Variants in ADAMTS2 observed in about 807,000 individuals in gnomAD.
ADAMTS2 encodes the protein A disintegrin and metalloproteinase with thrombospondin motifs 2.
In ADAMTS2, 50 loss-of-function variants were observed where a neutral mutation model predicts 123.0. The ratio of observed to expected loss-of-function variants is 0.41; its 90% CI spans 0.32 to 0.51. ADAMTS2 has a LOEUF of 0.51. Among genes scored for constraint, ADAMTS2 ranks in the 20% least tolerant of loss-of-function variants. ADAMTS2 has a pLI of 0.35. For missense variants in ADAMTS2, 1,494 were observed against 1,705.2 expected, an observed-to-expected ratio of 0.88 and a Z score of 2.18; for synonymous variants, 678 against 695.4, an observed-to-expected ratio of 0.98 and a Z score of 0.39.
rs1234755052 is a variant in ADAMTS2 at position 179,124,945 on chromosome 5, G to A, written c.2958+28C>T. Reference sequence around the variant, plus strand: ...CCTGTCCACCCTCAGTTTTGGAGCTGAGGACACGGGATCGGGGGATTGCGT... The same window carrying A: ...CCTGTCCACCCTCAGTTTTGGAGCTAAGGACACGGGATCGGGGGATTGCGT... On this transcript the variant is annotated intron_variant, in intron 19 of 21. Coordinates refer to ENST00000251582, the MANE Select transcript of ADAMTS2 (RefSeq NM_014244.5). 8 of 1,596,834 alleles carry A rather than the reference G, an allele frequency of 5.0e-6. No individual in the cohort carries two copies. In the East Asian group the frequency reaches 9.2e-5, roughly 18 times the overall value.
intron 2 of ADAMTS2, among the ~76,000 whole-genome samples, chr5:179,290,717 C>T (rs902866298): frequency 1.3e-5 from 2 of 152,202 alleles, no homozygotes; most frequent in African/African-American, 2.4e-5. Context: ...GCTCTCTGGC[C>T]GGTCCATTCT....
chr5:179,187,568 G>T (rs545147661), intron 4 of ADAMTS2, among the ~76,000 whole-genome samples: 1 of 152,244 alleles, frequency 6.6e-6, no homozygotes, highest in Non-Finnish European at 1.5e-5. Flanking sequence ...CCTCTCATGG[G>T]GAGGCCCCCA....
In ADAMTS2 at chr5:179,153,628, G is replaced by C. The variant is rs1447276433; in HGVS notation, c.1383-5C>G. On this transcript the variant is annotated splice_polypyrimidine_tract_variant and splice_region_variant and intron_variant, in intron 8 of 21. Coordinates refer to ENST00000251582, the MANE Select transcript of ADAMTS2 (RefSeq NM_014244.5). ...TCCAGCAGGCAGTCATAGGAGCTGT[G>C]GGGGACACACGGTGCCGCGAGCAGC... 1.9e-6 allele frequency: 3 copies of C among 1,601,212 alleles called. No homozygotes were observed. The Admixed American group carries it at 5.0e-5, about 27-fold the overall frequency.
At chr5:179,318,709 G>A (rs1344760486) in intron 2 of ADAMTS2, among the ~76,000 whole-genome samples, 1 of 152,080 alleles carries the variant, frequency 6.6e-6, no homozygotes, top group Non-Finnish European at 1.5e-5. Flanking sequence ...GCAATGCCAA[G>A]GCCCCCTCGG....
Position 179,155,041 on chromosome 5 carries a change from C to G in ADAMTS2, c.1133-122G>C, listed in dbSNP as rs1271884496. 3 of 847,628 alleles carry G rather than the reference C, an allele frequency of 3.5e-6. No individual in the cohort carries two copies. The highest frequency in any genetic ancestry group is 5.9e-6 in the Non-Finnish European group (3 of 509,534). 52.5% of individuals were successfully genotyped at this position (847,628 alleles called of 1,614,324 possible). A position where few individuals can be genotyped will look rare whatever the true frequency, so the allele number is the denominator to read the frequency against. ...CCAATGCCCTCTCTACCACAGGCAACTGCCCCCGGCTGGCACAGCTCAGAA... is the reference window on the plus strand; with the variant it reads ...CCAATGCCCTCTCTACCACAGGCAAGTGCCCCCGGCTGGCACAGCTCAGAA... On this transcript the variant is annotated intron_variant, in intron 6 of 21. Coordinates refer to ENST00000251582, the MANE Select transcript of ADAMTS2 (RefSeq NM_014244.5). The surrounding 1 kb of genome is among the most constrained non-coding windows in gnomAD (Gnocchi z 5.1).
chr5:179,206,361 C>G (rs75929371), intron 4 of ADAMTS2, among the ~76,000 whole-genome samples: 1 of 152,268 alleles, frequency 6.6e-6, no homozygotes, highest in Non-Finnish European at 1.5e-5. Flanking sequence ...GAGGGGCTCA[C>G]CCCTGGTCCG....
At position 179,218,720 on chromosome 5, in the gene ADAMTS2, T is replaced by C. The variant is rs1027873085; in HGVS notation, c.689-11005A>G. Among the ~76,000 whole-genome samples, 4 of 152,196 alleles carry C rather than the reference T, an allele frequency of 2.6e-5. No individual in the cohort carries two copies. In the South Asian group the frequency reaches 8.3e-4, roughly 31 times the overall value. ...CTGTGCCGAATCTCAGGGGCAGTCC[T>C]GACAGTTCTCTAAACTCCCACGGGA... On this transcript the variant is annotated intron_variant, in intron 3 of 21. Transcript: ENST00000251582.
chr5:179,203,312 C>T (rs1764608328), intron 4 of ADAMTS2, among the ~76,000 whole-genome samples: 1 of 152,246 alleles, frequency 6.6e-6, no homozygotes, highest in Non-Finnish European at 1.5e-5. Flanking sequence ...GCCCCCAGAC[C>T]CCGGGCTCTG....
At chr5:179,136,133 A>G in intron 12 of ADAMTS2, 91 bp from the exon 13 acceptor site, 1 of 1,599,302 alleles carries the variant, frequency 6.3e-7, no homozygotes, top group Non-Finnish European at 8.6e-7. Context: ...AAATTTCCAC[A>G]AGGGTCCCCA....
intron 3 of ADAMTS2, among the ~76,000 whole-genome samples, chr5:179,240,394 G>C (rs469396): frequency 0.51 from 76,849 of 152,002 alleles, 20,464 homozygotes; most frequent in Non-Finnish European, 0.56. Context: ...CAGTTTAAGA[G>C]AAGGAGGCTG....
Position 179,302,382 on chromosome 5 carries a change from A to G in ADAMTS2, c.535-29318T>C, listed in dbSNP as rs1464056140. 1.2e-4 allele frequency among the ~76,000 whole-genome samples: 11 copies of G among 93,136 alleles called. No individual in the cohort carries two copies. In the South Asian group the frequency reaches 2.0e-3, roughly 17 times the overall value. 61.1% of individuals were successfully genotyped at this position (93,136 alleles called of 152,430 possible). ...GGGCGACAGAGCAAGACCGTCTCAA[A>G]AAAAAAAAAAAAAAAAAAAAAAAAA... On this transcript the variant is annotated intron_variant, in intron 2 of 21. Transcript: ENST00000251582.
chr5:179,160,072 T>C (rs530093828), intron 5 of ADAMTS2, among the ~76,000 whole-genome samples: 2 of 152,356 alleles, frequency 1.3e-5, no homozygotes, highest in South Asian at 4.1e-4. Flanking sequence ...AATAGAGATG[T>C]GCATTCCTTG....
intron 5 of ADAMTS2, among the ~76,000 whole-genome samples, chr5:179,178,507 T>C (rs539736214): frequency 1.3e-5 from 2 of 152,322 alleles, no homozygotes; most frequent in East Asian, 3.9e-4. Context: ...CCCAACAGCT[T>C]CCTAGTGGGC....
At chr5:179,187,257 C>G (rs1415913461) in intron 4 of ADAMTS2, among the ~76,000 whole-genome samples, 2 of 152,200 alleles carry the variant, frequency 1.3e-5, no homozygotes, top group Non-Finnish European at 2.9e-5. Context: ...CTTCCTACCC[C>G]AAGGCATGAG....
chr5:179,293,932 T>G (rs928597632), intron 2 of ADAMTS2, among the ~76,000 whole-genome samples: 7 of 151,938 alleles, frequency 4.6e-5, no homozygotes, highest in African/African-American at 1.5e-4. Flanking sequence ...AAGGTTTTTT[T>G]GTTTTTTTGT....
Position 179,343,921 on chromosome 5 carries a change from T to C in ADAMTS2, c.380A>G (p.Asn127Ser), listed in dbSNP as rs1757856745. 2 of 1,608,008 alleles carry C rather than the reference T, an allele frequency of 1.2e-6. No individual in the cohort carries two copies. Among genetic ancestry groups the C allele is most frequent in the South Asian group, 2.2e-5 (2 of 90,234 alleles). Residue 127 changes from asparagine to serine, a missense_variant, in exon 2 of 22, where the codon AAC becomes AGC. This residue lies in a region of ADAMTS2 where 237 missense variants were observed against 233.7 expected (regional missense o/e 1.01). Coordinates refer to ENST00000251582, the MANE Select transcript of ADAMTS2 (RefSeq NM_014244.5). ...GRDLHLRLRP[N>S]ARLVAPGATM... ...GGCCCCGGGCGCCACGAGGCGGGCG[T>C]TGGGCCGCAGCCGCAGGTGCAGGTC... is the stretch of plus-strand genomic sequence containing the variant.
chr5:179,127,218 TCAGGAATCAC>T (rs1762875935), intron 17 of ADAMTS2, among the ~76,000 whole-genome samples: 1 of 152,080 alleles, frequency 6.6e-6, no homozygotes, highest in Non-Finnish European at 1.5e-5. Flanking sequence ...CCAGGAGATT[TCAGGAATCAC>T]CAGGGGTGGA....
intron 19 of ADAMTS2, among the ~76,000 whole-genome samples, chr5:179,123,670 C>A (rs1429384494): frequency 6.6e-6 from 1 of 152,230 alleles, no homozygotes; most frequent in Admixed American, 6.5e-5. Flanking sequence ...TTCAGGCGAT[C>A]CACCCGCCTG....
In ADAMTS2 at chr5:179,162,957, G is replaced by C. The variant is rs1763625761; in HGVS notation, c.976-4078C>G. Among the ~76,000 whole-genome samples the C allele has an allele frequency of 1.3e-5, 2 of 152,196 alleles. No homozygotes were observed. The highest frequency in any genetic ancestry group is 6.5e-5 in the Admixed American group (1 of 15,292). ...TGGGGGCAGCTGATATGTTCTGGGG[G>C]CAGTTTATATGCTTCTCAGTGGGAG... On this transcript the variant is annotated intron_variant, in intron 5 of 21. Transcript: ENST00000251582. The surrounding 1 kb of genome is among the most constrained non-coding windows in gnomAD (Gnocchi z 5.1).
Sources: gnomAD v4.1 joint callset for allele counts (sites outside exome capture counted in the v4.1 genomes callset) on GRCh38, gnomAD v4.1.1 for gene constraint, gnomAD v4.1.1 regional missense constraint, Gnocchi (gnomAD v3.1) non-coding constraint, MANE v1.5 for transcripts, NCBI Gene and HGNC (gene_info 2026-07-23, HGNC 2026-07-21) for gene names.